The following SPATA6 variants were observed in gnomAD, a reference collection of about 807,000 sequenced individuals.
SPATA6 encodes the protein spermatogenesis associated 6.
Under a neutral mutation model 65.3 loss-of-function variants are expected in SPATA6, and 56 were observed. The ratio of observed to expected loss-of-function variants is 0.86; its 90% CI spans 0.69 to 1.07. SPATA6 has a LOEUF of 1.07. Among genes scored for constraint, SPATA6 ranks in the 50% least tolerant of loss-of-function variants. SPATA6 has a pLI of 0.00. For synonymous variants in SPATA6, 199 were observed against 213.2 expected (o/e 0.93, Z 0.58); for missense variants, 590 against 594.8 (o/e 0.99, Z 0.08).
At position 48,355,854 on chromosome 1, in the gene SPATA6, C is replaced by G. The variant is rs950004532; in HGVS notation, c.1095-85G>C. The G allele has an allele frequency of 2.5e-5, 25 of 1,009,878 alleles. No homozygotes were observed. The South Asian group carries it at 3.3e-4, about 13-fold the overall frequency. 62.6% of individuals were successfully genotyped at this position (1,009,878 alleles called of 1,614,324 possible). A position where few individuals can be genotyped will look rare whatever the true frequency, so the allele number is the denominator to read the frequency against. ...TACTATCAAGTTTTCACAGTATGTTCAACAAATAGTCTTAATAAAGGTTGG... is the reference window on the plus strand; with the variant it reads ...TACTATCAAGTTTTCACAGTATGTTGAACAAATAGTCTTAATAAAGGTTGG... On this transcript the variant is annotated intron_variant, in intron 10 of 12. Transcript: ENST00000371847.
chr1:48,360,885 T>A (rs1646793228), intron 9 of SPATA6, among the ~76,000 whole-genome samples: 1 of 152,312 alleles, frequency 6.6e-6, no homozygotes, highest in South Asian at 2.1e-4. Context: ...ACAACTGGTC[T>A]CGATGTCAAA....
intron 11 of SPATA6, among the ~76,000 whole-genome samples, chr1:48,353,105 AGAAT>A (rs1186447166): frequency 6.6e-6 from 1 of 151,944 alleles, no homozygotes; most frequent in African/African-American, 2.4e-5. Context: ...ATTGCAAGAA[AGAAT>A]GAATAATAAT....
Position 48,298,218 on chromosome 1 carries a change from AG to A in SPATA6, c.*494del, listed in dbSNP as rs1417445833. 6.6e-6 allele frequency: 1 copy of A among 152,244 alleles called. No individual in the cohort carries two copies. Among genetic ancestry groups the A allele is most frequent in the Non-Finnish European group, 1.5e-5 (1 of 68,064 alleles). The allele number at this position is 152,244 out of a possible 1,614,324, so 9.4% of individuals were successfully genotyped here. The stretch of plus-strand genomic sequence containing the variant: ...AGCCTGTTCTGAAAAAGGAAAAAGT[AG>A]AAAATGTTAGTGAAAACAGGGTTTA... On this transcript the variant is annotated 3_prime_UTR_variant, in exon 13 of 13. Transcript: ENST00000371847.
intron 9 of SPATA6, among the ~76,000 whole-genome samples, chr1:48,365,861 T>C (rs990180311): frequency 6.6e-6 from 1 of 152,220 alleles, no homozygotes; most frequent in Admixed American, 6.5e-5. Context: ...AGGGCATCCC[T>C]GTCTTGTGCC....
chr1:48,309,975 G>T (rs1175354084), intron 11 of SPATA6, among the ~76,000 whole-genome samples: 1 of 152,166 alleles, frequency 6.6e-6, no homozygotes, highest in African/African-American at 2.4e-5. Context: ...GGGCCTTCTT[G>T]TCTTTTCTAA....
chr1:48,306,283 C>T (rs1450480689), intron 11 of SPATA6, among the ~76,000 whole-genome samples: 1 of 151,832 alleles, frequency 6.6e-6, no homozygotes, highest in East Asian at 1.9e-4. Context: ...TTCTAACATG[C>T]ACCTATGACT....
intron 3 of SPATA6, chr1:48,436,369 A>G: frequency 1.2e-6 from 2 of 1,612,014 alleles, no homozygotes; most frequent in South Asian, 1.1e-5. Context: ...GCTTTGGGTT[A>G]TTTCTCCATT....
the SPATA6 span, among the ~76,000 whole-genome samples, chr1:48,267,542 T>C: frequency 6.6e-6 from 1 of 152,078 alleles, no homozygotes; most frequent in East Asian, 1.9e-4. Flanking sequence ...GGTCTTCCTC[T>C]GAAGTTGGCC....
At chr1:48,335,346 A>AG (rs1198332446) in intron 11 of SPATA6, among the ~76,000 whole-genome samples, 1 of 151,776 alleles carries the variant, frequency 6.6e-6, no homozygotes, top group Non-Finnish European at 1.5e-5. Flanking sequence ...GCAAAAAAAA[A>AG]AGAAAAAAAA....
chr1:48,414,822 A>G (rs1279842014), intron 3 of SPATA6, among the ~76,000 whole-genome samples: 1 of 152,212 alleles, frequency 6.6e-6, no homozygotes. Context: ...CACAGCAAAA[A>G]AACAGTTTGA....
intron 3 of SPATA6, among the ~76,000 whole-genome samples, chr1:48,446,759 AAAC>A (rs1361073095): frequency 2.0e-5 from 3 of 152,310 alleles, no homozygotes; most frequent in East Asian, 3.9e-4. Context: ...GTAATCAGTA[AAAC>A]AACCAACCCT....
At chr1:48,353,126 T>C (rs1646558440) in intron 11 of SPATA6, among the ~76,000 whole-genome samples, 1 of 151,856 alleles carries the variant, frequency 6.6e-6, no homozygotes, top group Non-Finnish European at 1.5e-5. Flanking sequence ...TAATATGTGA[T>C]TAAAATAAGT....
chr1:48,293,558 A>G (rs1397920527), downstream of SPATA6, among the ~76,000 whole-genome samples: 3 of 152,078 alleles, frequency 2.0e-5, no homozygotes, highest in African/African-American at 7.2e-5. Context: ...AATATCTTAT[A>G]TGTTTTTCCC....
At chr1:48,412,296 A>G (rs1219076239) in intron 4 of SPATA6, among the ~76,000 whole-genome samples, 1 of 152,194 alleles carries the variant, frequency 6.6e-6, no homozygotes, top group African/African-American at 2.4e-5. Flanking sequence ...CATTTACTAC[A>G]TAAGTAAGGT....
At chr1:48,322,202 T>C (rs1022054490) in intron 11 of SPATA6, among the ~76,000 whole-genome samples, 66 of 151,960 alleles carry the variant, frequency 4.3e-4, no homozygotes, top group African/African-American at 1.4e-3. Flanking sequence ...TAAATAAAGT[T>C]GAATTAAATA....
At chr1:48,341,462 T>C (rs569032503) in intron 11 of SPATA6, among the ~76,000 whole-genome samples, 1 of 152,296 alleles carries the variant, frequency 6.6e-6, no homozygotes, top group Non-Finnish European at 1.5e-5. Flanking sequence ...ACTTGCCTAT[T>C]TGTCACTAAG....
intron 3 of SPATA6, among the ~76,000 whole-genome samples, chr1:48,424,175 C>A (rs2148030664): frequency 6.6e-6 from 1 of 152,268 alleles, no homozygotes; most frequent in East Asian, 1.9e-4. Context: ...CTCTGGGAGC[C>A]ATCCTTCTAC....
At chr1:48,411,307 G>C (rs897037051) in intron 5 of SPATA6, among the ~76,000 whole-genome samples, 157 bp downstream of exon 5, 1 of 151,984 alleles carries the variant, frequency 6.6e-6, no homozygotes, top group East Asian at 1.9e-4. Flanking sequence ...GTAACATATT[G>C]AAATCTAAAA....
chr1:48,402,952 GCAGATTGCTT>G (rs1208650681), intron 6 of SPATA6, among the ~76,000 whole-genome samples: 1 of 152,172 alleles, frequency 6.6e-6, no homozygotes, highest in Non-Finnish European at 1.5e-5. Context: ...GCTGAGGTGG[GCAGATTGCTT>G]GAGCTCCAGA....
Sources: allele counts gnomAD v4.1 joint callset (sites outside exome capture counted in the v4.1 genomes callset), GRCh38; gene constraint gnomAD v4.1.1; transcripts MANE v1.5; gene names NCBI Gene and HGNC (gene_info 2026-07-23, HGNC 2026-07-21).